The following FRMD6 variants were observed in gnomAD, a reference collection of about 807,000 sequenced individuals.
FRMD6 encodes FERM domain-containing protein 6.
A neutral mutation model predicts 73.2 loss-of-function variants in FRMD6; 37 were observed. The ratio of observed to expected loss-of-function variants is 0.51; its 90% confidence interval spans 0.39 to 0.66. The LOEUF (loss-of-function observed/expected upper bound fraction) is 0.66, where lower values mean the gene tolerates loss of function less well. FRMD6 is among the 30% of genes least tolerant of loss of function. FRMD6 has a pLI of 0.00. For missense variants in FRMD6, 714 were observed against 780.5 expected (o/e 0.91, Z 1.02); for synonymous variants, 273 against 282.2 (o/e 0.97, Z 0.33).
At chr14:51,580,445 G>T (rs1413923773) in intron 2 of FRMD6, among the ~76,000 whole-genome samples, 1 of 152,142 alleles carries the variant, frequency 6.6e-6, no homozygotes, top group Non-Finnish European at 1.5e-5. Flanking sequence ...TAACCCTATA[G>T]GGTAGGAGCT....
chr14:51,723,196 T>G (rs1043004829), intron 12 of FRMD6, among the ~76,000 whole-genome samples: 5 of 152,180 alleles, frequency 3.3e-5, no homozygotes, highest in Non-Finnish European at 7.3e-5. Context: ...CTCCTATAAT[T>G]ACATTTTAAT....
chr14:51,481,707 GA>G, the FRMD6 span, among the ~76,000 whole-genome samples: 1 of 152,214 alleles, frequency 6.6e-6, no homozygotes, highest in Non-Finnish European at 1.5e-5. Flanking sequence ...CCCAGGCCCT[GA>G]AAAGGGGCCA....
At chr14:51,466,557 G>C in the FRMD6 span, among the ~76,000 whole-genome samples, 2 of 152,054 alleles carry the variant, frequency 1.3e-5, no homozygotes, top group Admixed American at 1.3e-4. Context: ...AAATTAATTG[G>C]TTATATATGT....
At chr14:51,672,012 C>G (rs1894042834) in intron 1 of FRMD6, among the ~76,000 whole-genome samples, 1 of 152,170 alleles carries the variant, frequency 6.6e-6, no homozygotes, top group African/African-American at 2.4e-5. Context: ...GCAGAACATT[C>G]ATTGGAAATT....
chr14:51,592,325 T>C lies in FRMD6; in HGVS notation c.-147+21915T>C, dbSNP rs553697639. Among the ~76,000 whole-genome samples, 4 of 152,344 alleles carry C rather than the reference T, an allele frequency of 2.6e-5. No homozygotes were observed. The East Asian group carries it at 7.7e-4, about 29-fold the overall frequency. On this transcript the variant is annotated intron_variant, in intron 2 of 14. Transcript: ENST00000356218. The stretch of plus-strand genomic sequence containing the variant: ...GCCTTGTTGCTGAACTATAGCTCTG[T>C]AAAGGCATTTGGGTTATTGCGTGTG...
chr14:51,550,481 A>G (rs1596579484), intron 1 of FRMD6, among the ~76,000 whole-genome samples: 1 of 152,062 alleles, frequency 6.6e-6, no homozygotes, highest in African/African-American at 2.4e-5. Context: ...CTAGATGAAG[A>G]TGGCATTTGT....
chr14:51,524,057 G>C (rs1885094600), intron 1 of FRMD6, among the ~76,000 whole-genome samples: 1 of 152,170 alleles, frequency 6.6e-6, no homozygotes, highest in Non-Finnish European at 1.5e-5. Flanking sequence ...CTCTTTTATA[G>C]TTGATCATTT....
the FRMD6 span, among the ~76,000 whole-genome samples, chr14:51,448,800 G>T: frequency 5.3e-5 from 8 of 152,148 alleles, no homozygotes; most frequent in African/African-American, 1.9e-4. Flanking sequence ...AAAACTTGGG[G>T]CAGGAAATGA....
intron 2 of FRMD6, among the ~76,000 whole-genome samples, chr14:51,620,703 G>A (rs533423667): frequency 2.0e-5 from 3 of 152,230 alleles, no homozygotes; most frequent in Middle Eastern, 3.4e-3. Context: ...TTGAGCAGTG[G>A]CAGTCCAGCC....
At chr14:51,593,108 C>T (rs897118168) in intron 2 of FRMD6, among the ~76,000 whole-genome samples, 25 of 152,284 alleles carry the variant, frequency 1.6e-4, no homozygotes, top group African/African-American at 5.5e-4. Flanking sequence ...TTTTTTATGG[C>T]ATCCTGATGA....
At chr14:51,627,414 A>T (rs1891159817) in intron 2 of FRMD6, among the ~76,000 whole-genome samples, 1 of 152,222 alleles carries the variant, frequency 6.6e-6, no homozygotes, top group Non-Finnish European at 1.5e-5. Flanking sequence ...TGTTGCATAT[A>T]GGGATTATGC....
intron 4 of FRMD6, 66 bp downstream of exon 4, chr14:51,701,225 T>C (rs966869019): frequency 7.7e-6 from 7 of 910,696 alleles, no homozygotes; most frequent in African/African-American, 3.4e-5. Flanking sequence ...TTAGCTGTTA[T>C]ACATTAGAAG....
At chr14:51,508,442 C>T (rs180793421) in intron 1 of FRMD6, among the ~76,000 whole-genome samples, 3 of 152,290 alleles carry the variant, frequency 2.0e-5, no homozygotes, top group Non-Finnish European at 2.9e-5. Flanking sequence ...TAAGAGAGCC[C>T]CGTGTGTTTC....
the FRMD6 span, among the ~76,000 whole-genome samples, chr14:51,482,346 C>A: frequency 2.0e-5 from 3 of 152,220 alleles, no homozygotes; most frequent in Non-Finnish European, 4.4e-5. Context: ...GAACCCCACA[C>A]CCACTTTGGC....
Position 51,689,787 on chromosome 14 carries a change from T to C in FRMD6, c.-50T>C. The C allele has an allele frequency of 9.1e-7, 1 of 1,095,922 alleles. No homozygotes were observed. The highest frequency in any genetic ancestry group is 1.5e-5 in the African/African-American group (1 of 64,976). 67.9% of individuals were successfully genotyped at this position (1,095,922 alleles called of 1,614,324 possible). A position where few individuals can be genotyped will look rare whatever the true frequency, so the allele number is the denominator to read the frequency against. On this transcript the variant is annotated 5_prime_UTR_variant, in exon 2 of 14. Coordinates refer to ENST00000344768, the MANE Select transcript of FRMD6 (RefSeq NM_001267046.2). ...TTTGGAGTGCTGGGAACCTGAGGAA[T>C]TGCCAAGGACCCAGAGCCCAGCCCT...
the FRMD6 span, among the ~76,000 whole-genome samples, chr14:51,425,729 C>A: frequency 6.6e-6 from 1 of 152,178 alleles, no homozygotes; most frequent in African/African-American, 2.4e-5. Context: ...ATAACCTACC[C>A]CAGACCACCC....
chr14:51,473,722 C>G, the FRMD6 span, among the ~76,000 whole-genome samples: 1 of 152,178 alleles, frequency 6.6e-6, no homozygotes, highest in African/African-American at 2.4e-5. Context: ...ACCCCTTTCT[C>G]TTATTCCCAG....
At chr14:51,652,652 A>T (rs1440419832) in intron 1 of FRMD6, among the ~76,000 whole-genome samples, 2 of 152,238 alleles carry the variant, frequency 1.3e-5, no homozygotes, top group Admixed American at 6.5e-5. Flanking sequence ...GATCGGCGCC[A>T]GACGGGGGCC....
At chr14:51,453,422 A>C in the FRMD6 span, among the ~76,000 whole-genome samples, 26 of 152,286 alleles carry the variant, frequency 1.7e-4, no homozygotes, top group Non-Finnish European at 3.2e-4. Flanking sequence ...GAAGACTGAG[A>C]AATGAGGAGA....
Sources: allele counts gnomAD v4.1 joint callset (sites outside exome capture counted in the v4.1 genomes callset), GRCh38; gene constraint gnomAD v4.1.1; transcripts MANE v1.5; gene names NCBI Gene and HGNC (gene_info 2026-07-23, HGNC 2026-07-21).